Variants in ARHGAP32 observed in about 807,000 individuals in gnomAD.
ARHGAP32 encodes rho GTPase-activating protein 32.
Under a neutral mutation model 186.5 loss-of-function variants are expected in ARHGAP32, and 51 were observed. That is an observed-to-expected ratio of 0.27 (90% CI 0.22 to 0.35). The LOEUF (loss-of-function observed/expected upper bound fraction) is 0.35, where lower values mean the gene tolerates loss of function less well. Ranked by LOEUF, ARHGAP32 falls within the 10% of genes least tolerant of loss-of-function variation. ARHGAP32 has a pLI of 1.00. For missense variants in ARHGAP32, 2,186 were observed against 2,623.5 expected, an observed-to-expected ratio of 0.83 and a Z score of 3.64; for synonymous variants, 950 against 964.3, an observed-to-expected ratio of 0.99 and a Z score of 0.27.
intron 10 of ARHGAP32, among the ~76,000 whole-genome samples, chr11:129,054,439 C>T (rs1047370143): frequency 6.6e-6 from 1 of 152,146 alleles, no homozygotes; most frequent in African/African-American, 2.4e-5. Flanking sequence ...ACTCCTGACC[C>T]CATCCCCTGA....
intron 11 of ARHGAP32, among the ~76,000 whole-genome samples, chr11:129,033,477 C>T (rs536716006): frequency 2.6e-5 from 4 of 152,226 alleles, no homozygotes; most frequent in Non-Finnish European, 4.4e-5. Flanking sequence ...AATAAGGCTT[C>T]GATCTGCATT....
In ARHGAP32 at chr11:129,037,709, C is replaced by A. The variant is rs1267946429; in HGVS notation, c.1045+3219G>T. On this transcript the variant is annotated intron_variant, in intron 11 of 22. Transcript: ENST00000682385. ...AAGGGGCCCAGAAAAGCCAAATCAACCCTTAAAAAGAAGAAAAAAGTAGGA... is the reference window on the plus strand; with the variant it reads ...AAGGGGCCCAGAAAAGCCAAATCAAACCTTAAAAAGAAGAAAAAAGTAGGA... 1.3e-5 allele frequency among the ~76,000 whole-genome samples: 2 copies of A among 151,742 alleles called. 1 individual carries two copies. The highest frequency in any genetic ancestry group is 4.9e-5 in the African/African-American group (2 of 41,166).
intron 2 of ARHGAP32, among the ~76,000 whole-genome samples, chr11:129,157,858 C>T (rs1943444584): frequency 6.6e-6 from 1 of 152,104 alleles, no homozygotes; most frequent in African/African-American, 2.4e-5. Context: ...CAAAGGGAAG[C>T]CCATCAGACT....
Position 128,980,555 on chromosome 11 carries a change from T to A in ARHGAP32, c.1974A>T (p.Glu658Asp). ...AAATAGGATTTAACAAATTTTACCT[T>A]TCAAGTGGGAACTCAATTATGGTAT... is the stretch of plus-strand genomic sequence containing the variant. ...KFHTIIEFPLERKRPQNKMKK... is the reference protein window; with the variant it reads ...KFHTIIEFPLDRKRPQNKMKK... Residue 658 changes from glutamate (E) to aspartate (D), a missense_variant and splice_region_variant, in exon 18 of 23, where the codon GAA becomes GAT. Around this residue, in one of 5 missense-constraint regions of ARHGAP32, gnomAD observed 263 missense variants for 323.5 expected, o/e 0.81. Transcript: ENST00000682385. 1 of 1,603,222 alleles carries A rather than the reference T, an allele frequency of 6.2e-7. No homozygotes were observed. Among genetic ancestry groups the A allele is most frequent in the South Asian group, 1.1e-5 (1 of 89,050 alleles).
intron 11 of ARHGAP32, among the ~76,000 whole-genome samples, chr11:129,031,384 T>G (rs1348063888): frequency 6.6e-6 from 1 of 152,210 alleles, no homozygotes; most frequent in Non-Finnish European, 1.5e-5. Flanking sequence ...AGAGGCCAAA[T>G]GTGTATACCC....
intron 2 of ARHGAP32, among the ~76,000 whole-genome samples, chr11:129,152,429 C>CA (rs1390285730): frequency 2.6e-5 from 4 of 151,910 alleles, no homozygotes; most frequent in Non-Finnish European, 5.9e-5. Context: ...AAGGACATAA[C>CA]AAAAAAAGAA....
intron 1 of ARHGAP32, among the ~76,000 whole-genome samples, chr11:129,263,565 GGAGGAGGAGAAGGAGGAA>G (rs1237792305): frequency 3.4e-5 from 5 of 145,840 alleles, no homozygotes; most frequent in East Asian, 2.0e-4. Context: ...AAAAAAAGGA[GGAGGAGGAGAAGGAGGAA>G]GAGGAGGAGA....
At chr11:129,162,040 A>G (rs1471781950) in intron 2 of ARHGAP32, among the ~76,000 whole-genome samples, 2 of 152,150 alleles carry the variant, frequency 1.3e-5, no homozygotes, top group Non-Finnish European at 1.5e-5. Context: ...GCAAACTAAC[A>G]CAGGAACAGA....
chr11:129,080,751 A>C (rs931131214), intron 6 of ARHGAP32, among the ~76,000 whole-genome samples: 1 of 152,048 alleles, frequency 6.6e-6, no homozygotes, highest in African/African-American at 2.4e-5. Flanking sequence ...AATAACCAAG[A>C]TCAGAGCAGA....
chr11:128,971,173 A>G lies in ARHGAP32; in HGVS notation c.4054-14T>C, dbSNP rs768422231. On this transcript the variant is annotated splice_polypyrimidine_tract_variant and intron_variant, in intron 22 of 22. Coordinates refer to ENST00000682385, the MANE Select transcript of ARHGAP32 (RefSeq NM_001378024.1). ...TACTCCTTGAACCTATTGAAAGATG[A>G]TAATACTATGGGTCTATTTTTTGTT... The G allele has an allele frequency of 2.5e-6, 4 of 1,590,264 alleles. No homozygotes were observed. The highest frequency in any genetic ancestry group is 3.4e-6 in the Non-Finnish European group (4 of 1,163,454).
At chr11:129,201,014 TA>T (rs2135575306) in intron 1 of ARHGAP32, among the ~76,000 whole-genome samples, 1 of 152,304 alleles carries the variant, frequency 6.6e-6, no homozygotes, top group Non-Finnish European at 1.5e-5. Context: ...TTATCTGAAT[TA>T]TTTCCATGAA....
intron 1 of ARHGAP32, among the ~76,000 whole-genome samples, chr11:129,228,912 A>G (rs1944821122): frequency 6.6e-6 from 1 of 152,202 alleles, no homozygotes. Flanking sequence ...AACTCCATTA[A>G]ATAATACACG....
intron 10 of ARHGAP32, among the ~76,000 whole-genome samples, chr11:129,057,691 T>C (rs1050422519): frequency 1.6e-5 from 2 of 121,706 alleles, no homozygotes; most frequent in Non-Finnish European, 3.3e-5. Flanking sequence ...GTATTTTCAA[T>C]AGCGTTTGAT....
exon 1 of ARHGAP32, chr11:129,279,243 G>GAT (rs1565488376): frequency 2.4e-3 from 2 of 842 alleles, no homozygotes; most frequent in Non-Finnish European, 0.024. Flanking sequence ...CCCTCCGCCC[G>GAT]CCGCCGCCGC....
intron 11 of ARHGAP32, among the ~76,000 whole-genome samples, chr11:129,005,928 C>G (rs755440939): frequency 6.6e-6 from 1 of 152,026 alleles, no homozygotes; most frequent in Non-Finnish European, 1.5e-5. Flanking sequence ...ATGCTTAATT[C>G]GTTTTCCTTT....
At chr11:128,978,237 C>T (rs939807020) in intron 19 of ARHGAP32, among the ~76,000 whole-genome samples, 12 of 152,126 alleles carry the variant, frequency 7.9e-5, no homozygotes, top group African/African-American at 2.9e-4. Context: ...GTACTACTAT[C>T]CTTCCTAGAT....
chr11:128,976,480 C>T, intron 20 of ARHGAP32, 83 bp downstream of exon 20: 1 of 1,135,370 alleles, frequency 8.8e-7, no homozygotes, highest in Non-Finnish European at 1.3e-6. Flanking sequence ...TTATTAAGCA[C>T]AGATATATAA....
chr11:128,998,781 A>T (rs1350598932), intron 11 of ARHGAP32, among the ~76,000 whole-genome samples: 4 of 152,284 alleles, frequency 2.6e-5, no homozygotes, highest in African/African-American at 9.6e-5. Context: ...ATACTTTTAT[A>T]ATTTCTTATG....
chr11:128,975,322 A>G (rs1046417081), intron 20 of ARHGAP32, among the ~76,000 whole-genome samples: 1 of 152,148 alleles, frequency 6.6e-6, no homozygotes, highest in African/African-American at 2.4e-5. Flanking sequence ...ACTTTGGGCA[A>G]GTTTTTCATT....
Sources: gnomAD v4.1 joint callset for allele counts (sites outside exome capture counted in the v4.1 genomes callset) on GRCh38, gnomAD v4.1.1 for gene constraint, gnomAD v4.1.1 regional missense constraint, MANE v1.5 for transcripts, NCBI Gene and HGNC (gene_info 2026-07-23, HGNC 2026-07-21) for gene names.